Variants in SLC66A1 observed in about 807,000 individuals in gnomAD.
The protein encoded by SLC66A1 is solute carrier family 66 member 1.
A neutral mutation model predicts 33.0 loss-of-function variants in SLC66A1; 23 were observed. That is an observed-to-expected ratio of 0.70 (90% CI 0.50 to 0.99). SLC66A1 has a LOEUF of 0.99. Ranked by LOEUF, SLC66A1 falls within the 50% of genes least tolerant of loss-of-function variation. The probability of loss-of-function intolerance (pLI) is 0.00; values close to 1 mark genes in which losing one functional copy is unlikely to be tolerated. For synonymous variants in SLC66A1, 164 were observed against 175.5 expected (o/e 0.93, Z 0.52); for missense variants, 335 against 383.6 (o/e 0.87, Z 1.06).
At chr1:19,319,610 T>TTTTTG (rs1475024826) in intron 2 of SLC66A1, among the ~76,000 whole-genome samples, 2 of 148,136 alleles carry the variant, frequency 1.4e-5, no homozygotes, top group East Asian at 2.0e-4. Context: ...TTCATGTTTT[T>TTTTTG]TTTTTTTTTT....
intron 1 of SLC66A1, among the ~76,000 whole-genome samples, chr1:19,316,448 G>A (rs964124659): frequency 6.6e-6 from 1 of 151,838 alleles, no homozygotes; most frequent in Admixed American, 6.6e-5. Flanking sequence ...GCAGTGGCAT[G>A]ATCATGGCTT....
At chr1:19,331,836 C>T (rs976306283), downstream of SLC66A1, among the ~76,000 whole-genome samples, 3 of 152,208 alleles carry the variant, frequency 2.0e-5, no homozygotes, top group Non-Finnish European at 4.4e-5. Flanking sequence ...GATAACATAG[C>T]CCCTGCTTGG....
intron 2 of SLC66A1, 78 bp from the exon 3 acceptor site, chr1:19,324,555 C>T (rs1355262378): frequency 1.3e-6 from 2 of 1,562,436 alleles, no homozygotes; most frequent in Admixed American, 3.4e-5. Context: ...GTCGTCTCCT[C>T]TGGGCGGTGT....
At chr1:19,314,157 G>A (rs918931059) in intron 1 of SLC66A1, among the ~76,000 whole-genome samples, 5 of 152,144 alleles carry the variant, frequency 3.3e-5, no homozygotes, top group African/African-American at 9.7e-5. Context: ...CAGGAACTAC[G>A]CAGGATGGCC....
intron 2 of SLC66A1, 62 bp from the exon 3 acceptor site, chr1:19,324,571 A>G (rs1459163332): frequency 7.5e-6 from 12 of 1,599,176 alleles, no homozygotes; most frequent in East Asian, 2.2e-5. Flanking sequence ...GGTGTCCCCT[A>G]TAAGGCGGCA....
chr1:19,317,973 C>A (rs1440529288), intron 2 of SLC66A1, 132 bp downstream of exon 2: 11 of 1,349,514 alleles, frequency 8.2e-6, no homozygotes, highest in Non-Finnish European at 9.1e-6. Flanking sequence ...TGTGTTCCCT[C>A]GACAGGGACC....
intron 1 of SLC66A1, among the ~76,000 whole-genome samples, chr1:19,315,630 G>A (rs891845038): frequency 2.6e-5 from 4 of 152,220 alleles, no homozygotes; most frequent in African/African-American, 7.2e-5. Flanking sequence ...CCACCTGGAT[G>A]AGGAAATCCC....
At chr1:19,334,364 T>G in the SLC66A1 span, among the ~76,000 whole-genome samples, 939 of 152,284 alleles carry the variant, frequency 6.2e-3, 34 homozygotes, top group East Asian at 0.1. Context: ...CTCAAAGCCA[T>G]TTGAAAAAAT....
intron 2 of SLC66A1, among the ~76,000 whole-genome samples, chr1:19,320,636 C>G (rs549715310): frequency 6.6e-6 from 1 of 151,702 alleles, no homozygotes; most frequent in Non-Finnish European, 1.5e-5. Context: ...AGGATGGTCT[C>G]GATTTCCTGA....
rs773086016 is a variant in SLC66A1 at position 19,327,326 on chromosome 1, G to T, written c.718G>T (p.Glu240Ter). Residue 240 changes from glutamate to a stop codon, truncating the protein, a stop_gained, in exon 7 of 8, where the codon GAG becomes TAG. Transcript: ENST00000375153. LOFTEE classifies it high-confidence loss of function. ...GCTGAGCGTGCTGCTCAAAAACCCCGAGGAGGGCCAGAGCGAGGGCAGCTA... is the reference window on the plus strand; with the variant it reads ...GCTGAGCGTGCTGCTCAAAAACCCCTAGGAGGGCCAGAGCGAGGGCAGCTA... ...YGLSVLLKNP[E>*]EGQSEGSYLL... 2 of 1,613,332 alleles carry T rather than the reference G, an allele frequency of 1.2e-6. No homozygotes were observed. Among genetic ancestry groups the T allele is most frequent in the East Asian group, 4.5e-5 (2 of 44,856 alleles).
chr1:19,328,738 A>C lies in SLC66A1; in HGVS notation c.*95A>C. 2 of 1,367,574 alleles carry C rather than the reference A, an allele frequency of 1.5e-6. No individual in the cohort carries two copies. Among genetic ancestry groups the C allele is most frequent in the South Asian group, 2.5e-5 (2 of 80,176 alleles). 84.7% of individuals were successfully genotyped at this position (1,367,574 alleles called of 1,614,324 possible). A position where few individuals can be genotyped will look rare whatever the true frequency, so the allele number is the denominator to read the frequency against. On this transcript the variant is annotated 3_prime_UTR_variant, in exon 8 of 8. Transcript: ENST00000375153. The surrounding 1 kb of genome is among the most constrained non-coding windows in gnomAD (Gnocchi z 4.7). ...AGTGATGGTACGGCGGCCCTGCATC[A>C]GCCTGCGGGTGGCCTCTGGATCCTC...
At position 19,317,611 on chromosome 1, in the gene SLC66A1, G is replaced by A; in HGVS notation, c.-67G>A. 1 of 1,579,678 alleles carries A rather than the reference G, an allele frequency of 6.3e-7. No homozygotes were observed. Among genetic ancestry groups the A allele is most frequent in the Non-Finnish European group, 8.6e-7 (1 of 1,163,306 alleles). Reference sequence around the variant, plus strand: ...CTTCCTCCCTGTAGAACCCTTGCTGGCCTCAGAACACCAGCGCCCTCCCTC... The same window carrying A: ...CTTCCTCCCTGTAGAACCCTTGCTGACCTCAGAACACCAGCGCCCTCCCTC... On this transcript the variant is annotated 5_prime_UTR_variant, in exon 2 of 8. Transcript: ENST00000375153.
At chr1:19,320,527 C>T (rs1337439517) in intron 2 of SLC66A1, among the ~76,000 whole-genome samples, 2 of 150,940 alleles carry the variant, frequency 1.3e-5, no homozygotes, top group South Asian at 2.1e-4. Context: ...CATTCTCCTG[C>T]CTCAGCCTCC....
At chr1:19,316,913 C>CTTTT (rs759496425) in intron 1 of SLC66A1, among the ~76,000 whole-genome samples, 13 of 71,520 alleles carry the variant, frequency 1.8e-4, no homozygotes, top group Admixed American at 3.0e-4. Context: ...TCTGTCACCT[C>CTTTT]TTTTTTTTTT....
intron 6 of SLC66A1, 139 bp downstream of exon 6, chr1:19,326,762 A>G (rs7553611): frequency 0.26 from 232,654 of 893,828 alleles, 32,728 homozygotes; most frequent in South Asian, 0.32. Flanking sequence ...TGGCTTGGGC[A>G]AGTTAATCCA....
At chr1:19,321,047 A>G (rs1434998943) in intron 2 of SLC66A1, among the ~76,000 whole-genome samples, 1 of 149,906 alleles carries the variant, frequency 6.7e-6, no homozygotes, top group African/African-American at 2.5e-5. Flanking sequence ...CCTTTGAAGC[A>G]TAAAAATTTT....
At chr1:19,333,422 T>G (rs985579743), downstream of SLC66A1, among the ~76,000 whole-genome samples, 1 of 152,090 alleles carries the variant, frequency 6.6e-6, no homozygotes, top group Admixed American at 6.6e-5. The surrounding 1 kb of genome is among the most constrained non-coding windows in gnomAD (Gnocchi z 4.2). Flanking sequence ...GCTCAAGTGA[T>G]CCTCCCACCT....
At chr1:19,313,368 CCT>C (rs1255760303) in intron 1 of SLC66A1, among the ~76,000 whole-genome samples, 3 of 152,326 alleles carry the variant, frequency 2.0e-5, no homozygotes, top group East Asian at 1.9e-4. Flanking sequence ...CTTCTCTCTA[CCT>C]CTCTCTTTCT....
At chr1:19,315,134 C>T (rs1468097921) in intron 1 of SLC66A1, among the ~76,000 whole-genome samples, 2 of 152,192 alleles carry the variant, frequency 1.3e-5, no homozygotes, top group Admixed American at 1.3e-4. Flanking sequence ...TTCTCCAGCT[C>T]CTGAGCTCAA....
Sources: allele counts gnomAD v4.1 joint callset (sites outside exome capture counted in the v4.1 genomes callset), GRCh38; gene constraint gnomAD v4.1.1; non-coding constraint Gnocchi (gnomAD v3.1); transcripts MANE v1.5; gene names NCBI Gene and HGNC (gene_info 2026-07-23, HGNC 2026-07-21).